ZFHX4: variants seen among roughly 807,000 people sequenced by gnomAD.
The protein encoded by ZFHX4 is zinc finger homeobox 4, also known as zinc finger homeobox protein 4.
ZFHX4 carries 56 observed loss-of-function variants against 267.6 expected under a neutral mutation model. The observed-to-expected ratio is 0.21, with a 90% CI of 0.17 to 0.26. ZFHX4 has a LOEUF of 0.26. Among genes scored for constraint, ZFHX4 ranks in the 10% least tolerant of loss-of-function variants. The pLI is 1.00. For missense variants in ZFHX4, 4,332 were observed against 4,420.0 expected (o/e 0.98, Z 0.56); for synonymous variants, 1,778 against 1,665.6 (o/e 1.07, Z -1.64).
intron 5 of ZFHX4, among the ~76,000 whole-genome samples, chr8:76,840,292 C>T (rs1021007522): frequency 6.6e-6 from 1 of 152,182 alleles, no homozygotes; most frequent in South Asian, 2.1e-4. Context: ...GTTATGGCCT[C>T]AGAACTGCTG....
chr8:76,811,457 T>C (rs1022767890), intron 4 of ZFHX4, among the ~76,000 whole-genome samples: 4 of 152,220 alleles, frequency 2.6e-5, no homozygotes, highest in African/African-American at 9.6e-5. Flanking sequence ...TGATTTCATT[T>C]CAGTGTCTGT....
chr8:76,809,613 C>A (rs1456896130), intron 4 of ZFHX4, among the ~76,000 whole-genome samples: 2 of 152,092 alleles, frequency 1.3e-5, no homozygotes, highest in Admixed American at 6.6e-5. Flanking sequence ...TATCAGTACC[C>A]CTTTCCACAG....
chr8:76,860,775 G>A (rs1812844783), intron 10 of ZFHX4, among the ~76,000 whole-genome samples: 1 of 152,110 alleles, frequency 6.6e-6, no homozygotes, highest in Non-Finnish European at 1.5e-5. Context: ...CTGTCGAATG[G>A]AAAATAGTGT....
intron 3 of ZFHX4, among the ~76,000 whole-genome samples, chr8:76,723,539 A>G (rs1362867005): frequency 1.3e-5 from 2 of 150,830 alleles, no homozygotes; most frequent in East Asian, 2.0e-4. Flanking sequence ...ATAACTAAAT[A>G]TCTCTTAATT....
intron 5 of ZFHX4, among the ~76,000 whole-genome samples, chr8:76,835,243 A>ATATATATG (rs1554572191): frequency 1.9e-4 from 20 of 102,716 alleles, no homozygotes; most frequent in African/African-American, 8.3e-4. Context: ...ATATATATGT[A>ATATATATG]TATATATATA....
intron 4 of ZFHX4, among the ~76,000 whole-genome samples, chr8:76,812,902 G>C (rs1811413680): frequency 6.6e-6 from 1 of 152,024 alleles, no homozygotes; most frequent in African/African-American, 2.4e-5. Flanking sequence ...TTTCTCAAGA[G>C]CCAGTTAAGC....
intron 4 of ZFHX4, among the ~76,000 whole-genome samples, chr8:76,788,344 C>T (rs922484034): frequency 4.6e-5 from 7 of 152,162 alleles, no homozygotes; most frequent in Non-Finnish European, 8.8e-5. Context: ...GAACTTTGGC[C>T]TGTACTGCTA....
intron 3 of ZFHX4, among the ~76,000 whole-genome samples, chr8:76,715,339 A>G (rs1808536369): frequency 6.6e-6 from 1 of 151,844 alleles, no homozygotes; most frequent in Admixed American, 6.6e-5. Context: ...AAAATTAGCC[A>G]GCAATGGTGG....
intron 4 of ZFHX4, among the ~76,000 whole-genome samples, chr8:76,803,501 G>A (rs555754112): frequency 4.9e-4 from 74 of 152,082 alleles, no homozygotes; most frequent in Non-Finnish European, 7.6e-4. Context: ...TTTCTTGGTA[G>A]AGTGTGAATC....
At chr8:76,835,779 C>G (rs1812077980) in intron 5 of ZFHX4, among the ~76,000 whole-genome samples, 1 of 151,972 alleles carries the variant, frequency 6.6e-6, no homozygotes, top group African/African-American at 2.4e-5. Context: ...ACATTTCAAG[C>G]TAAAAACAGA....
chr8:76,865,504 T>A lies in ZFHX4; in HGVS notation c.*939T>A, dbSNP rs1026834688. The A allele has an allele frequency of 6.6e-6, 1 of 152,594 alleles. No homozygotes were observed. The highest frequency in any genetic ancestry group is 6.6e-5 in the Admixed American group (1 of 15,260). The allele number at this position is 152,594 out of a possible 1,614,324, so 9.5% of individuals were successfully genotyped here. On this transcript the variant is annotated 3_prime_UTR_variant, in exon 11 of 11. Transcript: ENST00000651372. Reference sequence around the variant, plus strand: ...TGTGAAATTTAATAAGATACCTTTTTTTTCCTTTCTTTGTGTGTAGTGCAG... The same window carrying A: ...TGTGAAATTTAATAAGATACCTTTTATTTCCTTTCTTTGTGTGTAGTGCAG...
intron 4 of ZFHX4, among the ~76,000 whole-genome samples, chr8:76,823,332 G>C (rs1261869122): frequency 6.6e-6 from 1 of 152,028 alleles, no homozygotes; most frequent in Non-Finnish European, 1.5e-5. Flanking sequence ...TTTTTCTGCT[G>C]CTCACACAGT....
intron 1 of ZFHX4, among the ~76,000 whole-genome samples, chr8:76,686,674 C>T (rs764199517): frequency 6.6e-6 from 1 of 152,040 alleles, no homozygotes; most frequent in East Asian, 1.9e-4. Flanking sequence ...TCCCAAGGTT[C>T]GACAATGTCA....
At position 76,681,272 on chromosome 8, in the gene ZFHX4, A is replaced by T. The variant is rs889878974; in HGVS notation, c.-395A>T. The T allele has an allele frequency of 1.5e-5, 6 of 397,914 alleles. No individual in the cohort carries two copies. Among genetic ancestry groups the T allele is most frequent in the Admixed American group, 8.8e-5 (2 of 22,684 alleles). The allele number at this position is 397,914 out of a possible 1,614,324, so 24.6% of individuals were successfully genotyped here. ...ACACAAAGACATGCGCACTCAACTT[A>T]ATCAGCCATTTTTTTAAACAGGGCT... On this transcript the variant is annotated 5_prime_UTR_variant, in exon 1 of 11. Transcript: ENST00000651372.
intron 1 of ZFHX4, among the ~76,000 whole-genome samples, chr8:76,701,002 T>A (rs1017402119): frequency 3.3e-5 from 5 of 152,168 alleles, no homozygotes; most frequent in Non-Finnish European, 7.4e-5. Flanking sequence ...CTGGGACTTA[T>A]AAAACTTTAT....
At chr8:76,694,176 C>G (rs1266420068) in intron 1 of ZFHX4, among the ~76,000 whole-genome samples, 2 of 152,112 alleles carry the variant, frequency 1.3e-5, no homozygotes, top group Non-Finnish European at 2.9e-5. Context: ...GTGACTGGAA[C>G]TTGGGTTCTA....
At chr8:76,799,096 G>C (rs1025870374) in intron 4 of ZFHX4, among the ~76,000 whole-genome samples, 5 of 152,138 alleles carry the variant, frequency 3.3e-5, no homozygotes, top group Non-Finnish European at 7.4e-5. Context: ...AATAACTTAC[G>C]AAGAAGTGTC....
chr8:76,834,648 T>C (rs1048030885), intron 5 of ZFHX4, among the ~76,000 whole-genome samples: 6 of 152,166 alleles, frequency 3.9e-5, no homozygotes, highest in Admixed American at 2.6e-4. Flanking sequence ...CAGATGACAG[T>C]CTTTATCAGA....
chr8:76,785,723 C>A (rs1318436654), intron 4 of ZFHX4, among the ~76,000 whole-genome samples: 2 of 152,076 alleles, frequency 1.3e-5, no homozygotes, highest in African/African-American at 2.4e-5. Context: ...GACATTAAAA[C>A]CTTGTCTATA....
Sources: allele counts gnomAD v4.1 joint callset (sites outside exome capture counted in the v4.1 genomes callset), GRCh38; gene constraint gnomAD v4.1.1; transcripts MANE v1.5; gene names NCBI Gene and HGNC (gene_info 2026-07-23, HGNC 2026-07-21).